The following URI1 variants were observed in gnomAD, a reference collection of about 807,000 sequenced individuals.
The protein encoded by URI1 is unconventional prefoldin RPB5 interactor 1.
Under a neutral mutation model 60.2 loss-of-function variants are expected in URI1, and 39 were observed. The observed-to-expected ratio is 0.65, with a 90% CI of 0.50 to 0.85. The LOEUF (loss-of-function observed/expected upper bound fraction) is 0.85, where lower values mean the gene tolerates loss of function less well. Ranked by LOEUF, URI1 falls within the 40% of genes least tolerant of loss-of-function variation. URI1 has a pLI of 0.00. For synonymous variants in URI1, 251 were observed against 236.8 expected (o/e 1.06, Z -0.55); for missense variants, 691 against 665.9 (o/e 1.04, Z -0.42).
At chr19:29,924,993 G>A (rs934990978) in intron 1 of URI1, among the ~76,000 whole-genome samples, 3 of 152,090 alleles carry the variant, frequency 2.0e-5, no homozygotes, top group Admixed American at 1.3e-4. Flanking sequence ...GCACCACCAC[G>A]CCCGGCTAAT....
intron 1 of URI1, among the ~76,000 whole-genome samples, chr19:29,960,434 A>G (rs1215149751): frequency 3.9e-5 from 6 of 152,078 alleles, no homozygotes; most frequent in Non-Finnish European, 7.4e-5. Context: ...TTTGCTTTAT[A>G]TATTTTACAG....
intron 1 of URI1, among the ~76,000 whole-genome samples, chr19:29,953,785 C>T (rs2055208748): frequency 6.6e-6 from 1 of 151,682 alleles, no homozygotes; most frequent in African/African-American, 2.4e-5. Context: ...AACATAATCA[C>T]TAGGATCCTG....
intron 1 of URI1, among the ~76,000 whole-genome samples, chr19:29,944,355 C>T (rs1394456986): frequency 2.7e-5 from 4 of 150,820 alleles, no homozygotes; most frequent in Non-Finnish European, 4.4e-5. Flanking sequence ...GACACAGACC[C>T]TCAGAGGATG....
intron 4 of URI1, among the ~76,000 whole-genome samples, chr19:29,992,998 C>T (rs2055765532): frequency 6.6e-6 from 1 of 152,062 alleles, no homozygotes; most frequent in Admixed American, 6.5e-5. Context: ...AATAGATTTT[C>T]CTTTCAAAGA....
At chr19:29,938,879 T>C (rs1232614756), upstream of URI1, among the ~76,000 whole-genome samples, 2 of 151,768 alleles carry the variant, frequency 1.3e-5, no homozygotes, top group African/African-American at 2.4e-5. Context: ...GGTTTCACCA[T>C]GTTAGCCAGG....
Position 29,931,833 on chromosome 19 carries a change from A to T in URI1, c.63+8079A>T, listed in dbSNP as rs181993930. Among the ~76,000 whole-genome samples the T allele has an allele frequency of 4.6e-5, 7 of 152,110 alleles. No homozygotes were observed. The East Asian group carries it at 1.4e-3, about 29-fold the overall frequency. On this transcript the variant is annotated intron_variant, in intron 1 of 10. Coordinates refer to the URI1 transcript ENST00000360605. The stretch of plus-strand genomic sequence containing the variant: ...TGTTTCCTACTACTTAGAAATATAT[A>T]TCCTACTATATAGAAACTGATTCTT...
At chr19:29,954,445 A>G (rs933676223) in intron 1 of URI1, among the ~76,000 whole-genome samples, 12 of 152,006 alleles carry the variant, frequency 7.9e-5, no homozygotes, top group Admixed American at 5.9e-4. Flanking sequence ...CTAAATCAAA[A>G]GTTATCCCTA....
At chr19:29,928,101 C>T (rs943256080) in intron 1 of URI1, among the ~76,000 whole-genome samples, 4 of 151,954 alleles carry the variant, frequency 2.6e-5, no homozygotes, top group Non-Finnish European at 5.9e-5. Context: ...TCCCAGGTGA[C>T]AGTTAATCTC....
At chr19:29,971,022 T>C (rs1027994161) in intron 1 of URI1, 171 bp from the exon 2 acceptor site, 1 of 626,410 alleles carries the variant, frequency 1.6e-6, no homozygotes, top group East Asian at 2.8e-5. Context: ...TATGATAAAG[T>C]GTGCTGCTTA....
At chr19:29,966,839 C>T (rs553582202) in intron 1 of URI1, among the ~76,000 whole-genome samples, 1 of 152,332 alleles carries the variant, frequency 6.6e-6, no homozygotes, top group Admixed American at 6.5e-5. Flanking sequence ...CTGATTAGCA[C>T]AGTTCCCAAA....
chr19:29,988,379 C>T (rs901480074), intron 4 of URI1, among the ~76,000 whole-genome samples: 9 of 152,072 alleles, frequency 5.9e-5, no homozygotes, highest in East Asian at 3.9e-4. Context: ...AGTTACAACA[C>T]GGGTCATGAT....
chr19:29,946,735 C>T (rs915205527), intron 1 of URI1, among the ~76,000 whole-genome samples: 2 of 152,108 alleles, frequency 1.3e-5, no homozygotes, highest in Non-Finnish European at 2.9e-5. Flanking sequence ...AACTGTCAGC[C>T]ACGTAGGCCA....
intron 2 of URI1, among the ~76,000 whole-genome samples, chr19:29,982,578 T>C (rs996036563): frequency 1.3e-5 from 2 of 152,174 alleles, no homozygotes; most frequent in African/African-American, 2.4e-5. Flanking sequence ...GTTAGTGTTA[T>C]GTTATTAATA....
chr19:30,012,067 C>A (rs2056027921), intron 9 of URI1, among the ~76,000 whole-genome samples: 1 of 151,988 alleles, frequency 6.6e-6, no homozygotes, highest in Admixed American at 6.5e-5. Context: ...AAATAACATG[C>A]TGTGTTTTAT....
At chr19:29,964,924 C>G (rs985891544) in intron 1 of URI1, among the ~76,000 whole-genome samples, 3 of 150,394 alleles carry the variant, frequency 2.0e-5, no homozygotes, top group African/African-American at 7.4e-5. Context: ...GAGCCTTTCA[C>G]AGGCACATTC....
rs769862941 is a variant in URI1 at position 30,009,249 on chromosome 19, G to A, written c.931G>A (p.Asp311Asn). 2.2e-5 allele frequency: 35 copies of A among 1,612,794 alleles called. No homozygotes were observed. The highest frequency in any genetic ancestry group is 6.7e-5 in the East Asian group (3 of 44,842). ...TGATGATGATGATGACGACGACGAC[G>A]ACAACATTGACGACGATGATGGTGA... ...DDDDDDDDDD[D>N]NIDDDDGDND... Residue 311 changes from aspartate (D) to asparagine (N), a missense_variant, in exon 8 of 11, where the codon GAC (aspartate) becomes AAC (asparagine). By Grantham distance (23) the Asp-to-Asn change is conservative. Transcript: ENST00000392271.
chr19:29,949,284 G>A (rs2055146048), intron 1 of URI1, among the ~76,000 whole-genome samples: 1 of 151,982 alleles, frequency 6.6e-6, no homozygotes, highest in South Asian at 2.1e-4. Flanking sequence ...GTCGTGGCCG[G>A]GCAGAGGCGC....
chr19:29,926,786 C>T (rs1257113759), intron 1 of URI1, among the ~76,000 whole-genome samples: 1 of 152,222 alleles, frequency 6.6e-6, no homozygotes, highest in East Asian at 1.9e-4. Context: ...TCAGAGAAGG[C>T]TTCCCTGGAG....
At chr19:29,928,795 A>G (rs2054892044) in intron 1 of URI1, among the ~76,000 whole-genome samples, 1 of 152,238 alleles carries the variant, frequency 6.6e-6, no homozygotes, top group South Asian at 2.1e-4. Context: ...CTGAAATTCA[A>G]ATTTAATCGA....
Sources: gnomAD v4.1 joint callset for allele counts (sites outside exome capture counted in the v4.1 genomes callset) on GRCh38, gnomAD v4.1.1 for gene constraint, MANE v1.5 for transcripts, NCBI Gene and HGNC (gene_info 2026-07-23, HGNC 2026-07-21) for gene names.